The following PIMREG variants were observed in gnomAD, a reference collection of about 807,000 sequenced individuals.
The protein encoded by PIMREG is protein PIMREG.
PIMREG carries 19 observed loss-of-function variants against 24.3 expected under a neutral mutation model. The ratio of observed to expected loss-of-function variants is 0.78; its 90% confidence interval spans 0.54 to 1.15. The LOEUF is 1.15. PIMREG is among the 50% of genes most tolerant of loss of function. PIMREG has a pLI of 0.00. For missense variants in PIMREG, 283 were observed against 306.8 expected (o/e 0.92, Z 0.58); for synonymous variants, 112 against 124.1 (o/e 0.90, Z 0.65).
Position 6,444,647 on chromosome 17 carries a change from G to A in PIMREG, c.-36+159G>A, listed in dbSNP as rs1913503743. Among the ~76,000 whole-genome samples, 1 of 152,118 alleles carries A rather than the reference G, an allele frequency of 6.6e-6. No homozygotes were observed. The highest frequency in any genetic ancestry group is 1.5e-5 in the Non-Finnish European group (1 of 68,020). Reference sequence around the variant, plus strand: ...TCGGACACGCACGGCCTGTGGGGTCGTCTGGGTACCACAAGAAGTCGGATC... The same window carrying A: ...TCGGACACGCACGGCCTGTGGGGTCATCTGGGTACCACAAGAAGTCGGATC... On this transcript the variant is annotated intron_variant, in intron 1 of 5. Transcript: ENST00000572447. This position sits in a 1 kb window ranked among gnomAD's most constrained non-coding sequence, Gnocchi z 4.3.
rs71370443 is a variant in PIMREG at position 6,444,793 on chromosome 17, G to A, written c.-35-283G>A. On this transcript the variant is annotated intron_variant, in intron 1 of 5. Transcript: ENST00000572447. This position sits in a 1 kb window ranked among gnomAD's most constrained non-coding sequence, Gnocchi z 4.3. Reference sequence around the variant, plus strand: ...CAGCGCTGAAGCTCGGCTACGGCGTGTCTTGACCCTGCCTCCCCTCCTCGC... The same window carrying A: ...CAGCGCTGAAGCTCGGCTACGGCGTATCTTGACCCTGCCTCCCCTCCTCGC... Among the ~76,000 whole-genome samples the A allele has an allele frequency of 5.5e-3, 832 of 151,852 alleles. 5 individuals are homozygous for A. The highest frequency in any genetic ancestry group is 9.0e-3 in the Non-Finnish European group (611 of 67,966).
intron 3 of PIMREG, among the ~76,000 whole-genome samples, 172 bp downstream of exon 3, chr17:6,447,930 T>C (rs1913649792): frequency 2.0e-5 from 3 of 152,196 alleles, no homozygotes; most frequent in Admixed American, 1.3e-4. Context: ...TTATTATTCT[T>C]ACTGTTAAAT....
Position 6,447,729 on chromosome 17 carries a change from C to A in PIMREG, c.561C>A (p.Tyr187Ter). 3 of 1,611,850 alleles carry A rather than the reference C, an allele frequency of 1.9e-6. No homozygotes were observed. Among genetic ancestry groups the A allele is most frequent in the Non-Finnish European group, 2.5e-6 (3 of 1,178,462 alleles). ...SRREAAFRSP[Y>*]SSTEPLCSPS... ...GGGAGGCTGCCTTCCGGAGCCCCTA[C>A]TCCTCAACAGAGCCCCTCTGCTCTC... is the stretch of plus-strand genomic sequence containing the variant. The change falls in exon 3 of 6, where the codon TAC (tyrosine) becomes TAA (stop). Residue 187 changes from tyrosine to a stop codon, truncating the protein, a stop_gained. Coordinates refer to ENST00000572447, the MANE Select transcript of PIMREG (RefSeq NM_019013.3). LOFTEE classifies it high-confidence loss of function.
intron 3 of PIMREG, among the ~76,000 whole-genome samples, chr17:6,448,282 CAAAAAAA>C (rs71154695): frequency 1.5e-4 from 6 of 41,306 alleles, no homozygotes; most frequent in East Asian, 8.3e-4. Flanking sequence ...GACCCTGTCT[CAAAAAAA>C]AAAAAAAAAA....
At position 6,444,472 on chromosome 17, in the gene PIMREG, G is replaced by A. The variant is rs960891161; in HGVS notation, c.-52G>A. On this transcript the variant is annotated 5_prime_UTR_variant, in exon 1 of 6. Coordinates refer to ENST00000572447, the MANE Select transcript of PIMREG (RefSeq NM_019013.3). The surrounding 1 kb of genome is among the most constrained non-coding windows in gnomAD (Gnocchi z 4.3). The stretch of plus-strand genomic sequence containing the variant: ...GAGCAGCTGTGCTGCGGCTGTGCTC[G>A]GCCTTAGTGGTGTCGGGTGAGTGCG... 1 of 153,046 alleles carries A rather than the reference G, an allele frequency of 6.5e-6. No homozygotes were observed. Among genetic ancestry groups the A allele is most frequent in the Non-Finnish European group, 1.5e-5 (1 of 68,508 alleles). 9.5% of individuals were successfully genotyped at this position (153,046 alleles called of 1,614,324 possible).
chr17:6,450,179 T>A lies in PIMREG; in HGVS notation c.*14+107T>A. ...GAGCTGATGGGCACAGCAGAGTAGG[T>A]AGTACCTACTTGCCGCTTGAAGCCA... On this transcript the variant is annotated intron_variant, in intron 5 of 5. Transcript: ENST00000572447. 3.1e-6 allele frequency: 4 copies of A among 1,276,014 alleles called. No individual in the cohort carries two copies. In the East Asian group the frequency reaches 7.0e-5, roughly 22 times the overall value. The allele number at this position is 1,276,014 out of a possible 1,614,324, so 79.0% of individuals were successfully genotyped here.
At position 6,446,844 on chromosome 17, in the gene PIMREG, C is replaced by T. The variant is rs182597754; in HGVS notation, c.295-619C>T. On this transcript the variant is annotated intron_variant, in intron 2 of 5. Coordinates refer to ENST00000572447, the MANE Select transcript of PIMREG (RefSeq NM_019013.3). ...TTCTTTTGGGGCCCTCTCCTTCAGT[C>T]CTGGGGTCACCGTCTGTCTGGAAAG... Among the ~76,000 whole-genome samples the T allele has an allele frequency of 4.3e-4, 65 of 152,234 alleles. 1 individual carries two copies. The East Asian group carries it at 0.012, about 28-fold the overall frequency.
rs377350020 is a variant in PIMREG at position 6,450,290 on chromosome 17, G to T, written c.*15-72G>T. On this transcript the variant is annotated intron_variant, in intron 5 of 5. Transcript: ENST00000572447. Reference sequence around the variant, plus strand: ...GCCACCTTCCAGCACCCCCCACCCCGCAGTGAGCAGGGAAAGGCATCCCTA... The same window carrying T: ...GCCACCTTCCAGCACCCCCCACCCCTCAGTGAGCAGGGAAAGGCATCCCTA... 2.9e-4 allele frequency: 399 copies of T among 1,385,654 alleles called. 3 individuals carry two copies. The South Asian group carries it at 4.9e-3, about 17-fold the overall frequency. 85.8% of individuals were successfully genotyped at this position (1,385,654 alleles called of 1,614,324 possible).
intron 4 of PIMREG, 133 bp downstream of exon 4, chr17:6,449,540 T>C (rs1913727672): frequency 9.8e-7 from 1 of 1,022,066 alleles, no homozygotes; most frequent in African/African-American, 1.6e-5. Context: ...TGGGCCTCAG[T>C]CTCCCTCATC....
chr17:6,448,559 T>C (rs528353224), intron 3 of PIMREG, among the ~76,000 whole-genome samples: 89 of 152,280 alleles, frequency 5.8e-4, no homozygotes, highest in African/African-American at 2.1e-3. Context: ...GTTTGGTGAT[T>C]AGCCTGAGGG....
intron 4 of PIMREG, 126 bp from the exon 5 acceptor site, chr17:6,449,902 A>C (rs1228049759): frequency 6.0e-5 from 85 of 1,416,136 alleles, no homozygotes; most frequent in Non-Finnish European, 7.6e-5. Flanking sequence ...GGGCCCTGCC[A>C]GCTCTATGTG....
At position 6,444,511 on chromosome 17, in the gene PIMREG, T is replaced by C. The variant is rs1479709606; in HGVS notation, c.-36+23T>C. On this transcript the variant is annotated intron_variant, in intron 1 of 5. Coordinates refer to ENST00000572447, the MANE Select transcript of PIMREG (RefSeq NM_019013.3). The surrounding 1 kb of genome is among the most constrained non-coding windows in gnomAD (Gnocchi z 4.3). ...CGGGTGAGTGCGGGCTGGGCACAAGTTTCGCCCTTGTTGCCCAGGCTGGAG... is the reference window on the plus strand; with the variant it reads ...CGGGTGAGTGCGGGCTGGGCACAAGCTTCGCCCTTGTTGCCCAGGCTGGAG... 1 of 154,266 alleles carries C rather than the reference T, an allele frequency of 6.5e-6. No homozygotes were observed. The highest frequency in any genetic ancestry group is 1.4e-5 in the Non-Finnish European group (1 of 69,538). The allele number at this position is 154,266 out of a possible 1,614,324, so 9.6% of individuals were successfully genotyped here.
At chr17:6,447,180 C>T (rs556503909) in intron 2 of PIMREG, among the ~76,000 whole-genome samples, 2 of 152,122 alleles carry the variant, frequency 1.3e-5, no homozygotes, top group Admixed American at 6.5e-5. Context: ...GGTGCGATCT[C>T]GGCTCACTGC....
At chr17:6,448,167 C>T (rs1913656868) in intron 3 of PIMREG, among the ~76,000 whole-genome samples, 1 of 150,562 alleles carries the variant, frequency 6.6e-6, no homozygotes, top group Non-Finnish European at 1.5e-5. Context: ...CCTGTAATCC[C>T]AGCTCCTTGG....
At chr17:6,449,732 C>A (rs1913739078) in intron 4 of PIMREG, 2 of 1,398,338 alleles carry the variant, frequency 1.4e-6, no homozygotes, top group Non-Finnish European at 1.8e-6. Context: ...TGTGCCCTGC[C>A]TGCCTATGGA....
intron 3 of PIMREG, among the ~76,000 whole-genome samples, chr17:6,448,818 G>C (rs1269091699): frequency 6.6e-6 from 1 of 152,028 alleles, no homozygotes; most frequent in African/African-American, 2.4e-5. Context: ...TAGTCACCAG[G>C]ATGCATGTAA....
rs1441133379 is a variant in PIMREG, at chr17:6,450,017, C to T, written c.687-11C>T. 1.2e-6 allele frequency: 2 copies of T among 1,614,062 alleles called. No homozygotes were observed. The highest frequency in any genetic ancestry group is 1.1e-5 in the South Asian group (1 of 91,078). ...ACACCCAGTGGCATCAATCCCTCCC[C>T]TTCTCTCTAGTGGTGACATCGTCTC... On this transcript the variant is annotated splice_polypyrimidine_tract_variant and intron_variant, in intron 4 of 5. Transcript: ENST00000572447.
chr17:6,446,413 G>A (rs1438103041), intron 2 of PIMREG, among the ~76,000 whole-genome samples: 1 of 152,132 alleles, frequency 6.6e-6, no homozygotes, highest in African/African-American at 2.4e-5. Flanking sequence ...AGCTCTCTGA[G>A]CCAAATGTTA....
chr17:6,447,608 C>T lies in PIMREG; in HGVS notation c.440C>T (p.Ala147Val). Reference protein sequence around the residue: ...SQKSTRLSGAAPAHSAADPWE... With the variant: ...SQKSTRLSGAVPAHSAADPWE... ...AAGAGCACCCGGCTGTCTGGAGCCG[C>T]CCCTGCCCACTCAGCCGCAGACCCC... Residue 147 changes from alanine (A) to valine (V), a missense_variant, in exon 3 of 6, where the codon GCC becomes GTC. Coordinates refer to ENST00000572447, the MANE Select transcript of PIMREG (RefSeq NM_019013.3). 6.2e-7 allele frequency: 1 copy of T among 1,614,044 alleles called. No individual in the cohort carries two copies. The highest frequency in any genetic ancestry group is 8.5e-7 in the Non-Finnish European group (1 of 1,179,964).
Sources: gnomAD v4.1 joint callset for allele counts (sites outside exome capture counted in the v4.1 genomes callset) on GRCh38, gnomAD v4.1.1 for gene constraint, Gnocchi (gnomAD v3.1) non-coding constraint, MANE v1.5 for transcripts, NCBI Gene and HGNC (gene_info 2026-07-23, HGNC 2026-07-21) for gene names.